Variants in CFAP47 observed in about 807,000 individuals in gnomAD.
CFAP47 encodes the protein cilia- and flagella-associated protein 47.
A neutral mutation model predicts 148.1 loss-of-function variants in CFAP47; 29 were observed. That is an observed-to-expected ratio of 0.20 (90% CI 0.15 to 0.27). The LOEUF is 0.27. Ranked by LOEUF, CFAP47 falls within the 10% of genes least tolerant of loss-of-function variation. CFAP47 has a pLI of 1.00. For synonymous variants in CFAP47, 664 were observed against 577.3 expected (o/e 1.15, Z -2.15); for missense variants, 1,872 against 1,697.5 (o/e 1.10, Z -1.81).
intron 26 of CFAP47, among the ~76,000 whole-genome samples, chrX:36,059,606 A>G (rs1244774349): frequency 1.8e-5 from 2 of 112,104 alleles, no homozygotes; most frequent in East Asian, 2.8e-4. Flanking sequence ...TAATATGTTA[A>G]TCTCTTTCTG....
chrX:36,169,000 T>C (rs772267454), intron 39 of CFAP47, among the ~76,000 whole-genome samples: 1 of 111,900 alleles, frequency 8.9e-6, no homozygotes, highest in South Asian at 3.7e-4. Context: ...TTTGTTTTCT[T>C]CTCTTTTTTT....
At chrX:36,179,638 T>A (rs1457455159) in intron 40 of CFAP47, among the ~76,000 whole-genome samples, 1 of 111,978 alleles carries the variant, frequency 8.9e-6, no homozygotes. Context: ...TATAGTAGAT[T>A]TTCATTATTT....
rs150915269 is a variant in CFAP47 at position 35,986,952 on chromosome X, A to G, written c.2714-2367A>G. 4.9e-3 allele frequency among the ~76,000 whole-genome samples: 542 copies of G among 111,267 alleles called. 3 individuals are homozygous for G. Among genetic ancestry groups the G allele is most frequent in the African/African-American group, 0.017 (518 of 30,607 alleles). On this transcript the variant is annotated intron_variant, in intron 15 of 63. Coordinates refer to ENST00000378653, the MANE Select transcript of CFAP47 (RefSeq NM_001304548.2). ...CCAGCGGAGGCTGCAGAACAGCAAA[A>G]TTGCTGCCTGCTCCTTCCTCTGGCA...
chrX:35,923,636 A>G (rs1213745461), intron 1 of CFAP47, among the ~76,000 whole-genome samples: 3 of 109,413 alleles, frequency 2.7e-5, no homozygotes, highest in African/African-American at 1.0e-4. Context: ...CCTGGCCAAC[A>G]TGGTGAAACC....
At chrX:36,072,164 T>C (rs1937767348) in intron 28 of CFAP47, among the ~76,000 whole-genome samples, 193 bp downstream of exon 28, 1 of 112,292 alleles carries the variant, frequency 8.9e-6, no homozygotes, top group South Asian at 3.7e-4. Flanking sequence ...GATTCTCTAA[T>C]GTTCTTGGTT....
rs57257876 is a variant in CFAP47 at position 36,066,539 on chromosome X, C to G, written c.4318+796C>G. 5.8e-3 allele frequency among the ~76,000 whole-genome samples: 643 copies of G among 111,613 alleles called. 3 individuals carry two copies. Among genetic ancestry groups the G allele is most frequent in the African/African-American group, 0.02 (612 of 30,737 alleles). ...TGGATTGGAACTGGATTGTGACAAG[C>G]AAGTCACAAGCATGTATCGTGACTC... is the stretch of plus-strand genomic sequence containing the variant. On this transcript the variant is annotated intron_variant, in intron 27 of 63. Coordinates refer to ENST00000378653, the MANE Select transcript of CFAP47 (RefSeq NM_001304548.2).
At chrX:35,961,052 G>T (rs1936323433) in intron 8 of CFAP47, among the ~76,000 whole-genome samples, 1 of 111,194 alleles carries the variant, frequency 9.0e-6, no homozygotes, top group Admixed American at 9.6e-5. Context: ...TTTGTTGCAT[G>T]TTTCTATTAT....
chrX:36,159,998 G>A (rs1381694769), intron 38 of CFAP47, among the ~76,000 whole-genome samples: 1 of 111,876 alleles, frequency 8.9e-6, no homozygotes, highest in Non-Finnish European at 1.9e-5. Context: ...ACTTTTTGTA[G>A]CCATTATCTC....
intron 3 of CFAP47, among the ~76,000 whole-genome samples, chrX:35,942,476 C>T (rs1006717347): frequency 9.0e-6 from 1 of 111,262 alleles, no homozygotes; most frequent in Admixed American, 9.6e-5. Context: ...GAATTAGGCT[C>T]GTTTGTGGCC....
chrX:35,965,223 A>G (rs1176712590), intron 8 of CFAP47, among the ~76,000 whole-genome samples: 1 of 111,670 alleles, frequency 9.0e-6, no homozygotes, highest in Admixed American at 9.6e-5. Context: ...CAGTTAATTT[A>G]GTGTTCAGCT....
At chrX:36,352,922 T>C (rs1556017742) in intron 59 of CFAP47, among the ~76,000 whole-genome samples, 1 of 110,075 alleles carries the variant, frequency 9.1e-6, no homozygotes, top group Non-Finnish European at 1.9e-5. Flanking sequence ...ACAATTTTAC[T>C]TTTATGTGTT....
At chrX:36,360,836 G>A (rs899363483) in intron 60 of CFAP47, among the ~76,000 whole-genome samples, 19 of 112,065 alleles carry the variant, frequency 1.7e-4, no homozygotes, top group African/African-American at 5.8e-4. Flanking sequence ...ATGAGGAGCA[G>A]TTTTTGTTAA....
At chrX:36,296,280 G>A (rs925721788) in intron 51 of CFAP47, among the ~76,000 whole-genome samples, 1 of 111,961 alleles carries the variant, frequency 8.9e-6, no homozygotes, top group Non-Finnish European at 1.9e-5. Context: ...ATAGGTTGTA[G>A]TTTACAGAGA....
At chrX:36,317,449 G>T (rs782371341) in intron 56 of CFAP47, among the ~76,000 whole-genome samples, 14 of 108,287 alleles carry the variant, frequency 1.3e-4, no homozygotes, top group Non-Finnish European at 1.9e-4. Flanking sequence ...TCACTCTGTC[G>T]CCCAGACTGG....
At chrX:36,146,546 T>C (rs1327042973) in intron 36 of CFAP47, among the ~76,000 whole-genome samples, 10 of 111,569 alleles carry the variant, frequency 9.0e-5, no homozygotes, top group African/African-American at 3.3e-4. Context: ...AAATAAAATG[T>C]ATATGCAAGA....
chrX:36,034,971 C>CCT (rs932541683), intron 23 of CFAP47, among the ~76,000 whole-genome samples: 5 of 107,569 alleles, frequency 4.6e-5, no homozygotes, highest in Admixed American at 1.0e-4. Context: ...TATATGTGTC[C>CCT]CTCTCTCTCT....
chrX:36,120,593 A>G lies in CFAP47; in HGVS notation c.5320+15902A>G, dbSNP rs757017375. On this transcript the variant is annotated intron_variant, in intron 33 of 63. Coordinates refer to ENST00000378653, the MANE Select transcript of CFAP47 (RefSeq NM_001304548.2). ...ATAATTTATTTCAAGAAATTTTTCA[A>G]TTTCCTTTGTAATTTCTCCATTAAT... Among the ~76,000 whole-genome samples the G allele has an allele frequency of 2.7e-5, 3 of 111,479 alleles. No individual in the cohort carries two copies. The East Asian group carries it at 8.5e-4, about 32-fold the overall frequency.
intron 61 of CFAP47, 145 bp from the exon 62 acceptor site, chrX:36,366,821 A>G: frequency 3.1e-6 from 1 of 319,882 alleles, no homozygotes; most frequent in Non-Finnish European, 5.4e-6. Flanking sequence ...AAAGTCATTT[A>G]CATTATTTTT....
intron 22 of CFAP47, among the ~76,000 whole-genome samples, chrX:36,028,265 G>C (rs1937242995): frequency 9.0e-6 from 1 of 111,022 alleles, no homozygotes; most frequent in Non-Finnish European, 1.9e-5. Context: ...ATGTTTTCTT[G>C]TAGGATCATT....
Sources: gnomAD v4.1 joint callset for allele counts (sites outside exome capture counted in the v4.1 genomes callset) on GRCh38, gnomAD v4.1.1 for gene constraint, MANE v1.5 for transcripts, NCBI Gene and HGNC (gene_info 2026-07-23, HGNC 2026-07-21) for gene names.